Variants in POPDC1 observed in about 807,000 individuals in gnomAD.
POPDC1 encodes the protein popeye domain cAMP effector 1.
the POPDC1 span, among the ~76,000 whole-genome samples, chr6:105,114,176 T>C: frequency 6.6e-6 from 1 of 152,222 alleles, no homozygotes; most frequent in Non-Finnish European, 1.5e-5. Context: ...CTATTCTTTG[T>C]CCAATTCACT....
chr6:105,105,370 A>G, the POPDC1 span, among the ~76,000 whole-genome samples: 3 of 152,198 alleles, frequency 2.0e-5, no homozygotes, highest in Admixed American at 6.5e-5. Context: ...AGCCCCAGTT[A>G]GCCTGGCCTT....
chr6:105,107,993 C>T, the POPDC1 span, among the ~76,000 whole-genome samples: 8 of 152,102 alleles, frequency 5.3e-5, no homozygotes, highest in Non-Finnish European at 8.8e-5. Context: ...TCAGGCAAAG[C>T]GTACAAAATT....
At chr6:105,105,210 A>C in the POPDC1 span, among the ~76,000 whole-genome samples, 1 of 152,056 alleles carries the variant, frequency 6.6e-6, no homozygotes, top group African/African-American at 2.4e-5. Flanking sequence ...TTATAACAAC[A>C]TTGCCTTGTT....
the POPDC1 span, among the ~76,000 whole-genome samples, chr6:105,121,725 T>C: frequency 2.6e-5 from 4 of 152,214 alleles, no homozygotes; most frequent in Non-Finnish European, 5.9e-5. Context: ...CTTATTATCA[T>C]GATAATTACT....
chr6:105,112,307 C>T, the POPDC1 span, among the ~76,000 whole-genome samples: 2 of 152,194 alleles, frequency 1.3e-5, no homozygotes, highest in Admixed American at 6.5e-5. Context: ...TGGCTGAATG[C>T]GATGTGCACA....
the POPDC1 span, among the ~76,000 whole-genome samples, chr6:105,127,257 A>G: frequency 6.6e-6 from 1 of 152,204 alleles, no homozygotes; most frequent in East Asian, 1.9e-4. Context: ...AAAAGCACAG[A>G]CACTAAGCGA....
chr6:105,101,953 A>G, the POPDC1 span, among the ~76,000 whole-genome samples: 1 of 152,216 alleles, frequency 6.6e-6, no homozygotes. Flanking sequence ...ATGTAGAAGA[A>G]AATACTATCT....
the POPDC1 span, among the ~76,000 whole-genome samples, chr6:105,126,484 G>C: frequency 6.6e-6 from 1 of 151,702 alleles, no homozygotes. Context: ...AGAGCATAAG[G>C]GGAAGATCCG....
the POPDC1 span, among the ~76,000 whole-genome samples, chr6:105,107,429 C>T: frequency 1.3e-5 from 2 of 152,180 alleles, no homozygotes; most frequent in Non-Finnish European, 2.9e-5. Context: ...TAAAAGTAAA[C>T]AGACATATTT....
At chr6:105,115,137 A>ACT in the POPDC1 span, among the ~76,000 whole-genome samples, 1 of 152,226 alleles carries the variant, frequency 6.6e-6, no homozygotes, top group African/African-American at 2.4e-5. Flanking sequence ...CCCAGGCTGG[A>ACT]GTGCAGTGGC....
chr6:105,108,946 T>G, the POPDC1 span, among the ~76,000 whole-genome samples: 1 of 152,094 alleles, frequency 6.6e-6, no homozygotes, highest in South Asian at 2.1e-4. Context: ...GTAGGGATGC[T>G]AATGTCCTCA....
At chr6:105,124,385 C>CAAAAAA in the POPDC1 span, among the ~76,000 whole-genome samples, 20 of 81,744 alleles carry the variant, frequency 2.4e-4, no homozygotes, top group African/African-American at 4.7e-4. Flanking sequence ...CCGTCTCAAA[C>CAAAAAA]AAAAAAAAAA....
the POPDC1 span, among the ~76,000 whole-genome samples, chr6:105,104,397 T>G: frequency 1.3e-5 from 2 of 152,154 alleles, no homozygotes; most frequent in Non-Finnish European, 2.9e-5. Flanking sequence ...TCTTTCCTCC[T>G]GCAGCCTCAC....
the POPDC1 span, chr6:105,124,751 T>C: frequency 1.1e-6 from 1 of 908,142 alleles, no homozygotes; most frequent in East Asian, 2.5e-5. Context: ...TATTTTGTAG[T>C]ACAGTTTTAA....
the POPDC1 span, chr6:105,115,974 C>G: frequency 1.7e-6 from 1 of 600,142 alleles, no homozygotes; most frequent in Non-Finnish European, 2.6e-6. Flanking sequence ...TAAACATAAG[C>G]TATGATTTTT....
the POPDC1 span, among the ~76,000 whole-genome samples, chr6:105,103,446 C>T: frequency 6.6e-6 from 1 of 151,650 alleles, no homozygotes; most frequent in East Asian, 1.9e-4. Context: ...TCTTAGCTCT[C>T]TTGAGTGTGG....
the POPDC1 span, among the ~76,000 whole-genome samples, chr6:105,115,070 T>TA: frequency 5.9e-5 from 9 of 152,230 alleles, no homozygotes; most frequent in East Asian, 1.9e-4. Flanking sequence ...TGTGGACTCT[T>TA]AGAGTATTCT....
chr6:105,125,273 A>C, the POPDC1 span: 14 of 1,240,136 alleles, frequency 1.1e-5, no homozygotes, highest in Admixed American at 6.0e-5. Flanking sequence ...CACCAACAAC[A>C]AACTCTGTGA....
At chr6:105,133,663 C>T in the POPDC1 span, 6 of 1,037,772 alleles carry the variant, frequency 5.8e-6, no homozygotes, top group Non-Finnish European at 8.4e-6. Flanking sequence ...GGTATTATAC[C>T]AAAATTATTT....
Sources: allele counts gnomAD v4.1 joint callset (sites outside exome capture counted in the v4.1 genomes callset), GRCh38; gene constraint gnomAD v4.1.1; transcripts MANE v1.5; gene names NCBI Gene and HGNC (gene_info 2026-07-23, HGNC 2026-07-21).